Variants in AGBL4 observed in about 807,000 individuals in gnomAD.
AGBL4 encodes AGBL carboxypeptidase 4, also known as cytosolic carboxypeptidase 6.
A neutral mutation model predicts 66.4 loss-of-function variants in AGBL4; 58 were observed. The ratio of observed to expected loss-of-function variants is 0.87; its 90% CI spans 0.71 to 1.09. The LOEUF (loss-of-function observed/expected upper bound fraction) is 1.09, where lower values mean the gene tolerates loss of function less well. Among genes scored for constraint, AGBL4 ranks in the 50% least tolerant of loss-of-function variants. The probability of loss-of-function intolerance (pLI) is 0.00; values close to 1 mark genes in which losing one functional copy is unlikely to be tolerated. For missense variants in AGBL4, 579 were observed against 631.0 expected (o/e 0.92, Z 0.88); for synonymous variants, 234 against 222.9 (o/e 1.05, Z -0.44).
intron 3 of AGBL4, among the ~76,000 whole-genome samples, chr1:49,506,885 G>A (rs761030235): frequency 6.6e-6 from 1 of 151,984 alleles, no homozygotes; most frequent in African/African-American, 2.4e-5. Flanking sequence ...GAGGGCTATA[G>A]TGTGCCAATC....
At chr1:49,728,301 A>G (rs1187477785) in intron 2 of AGBL4, among the ~76,000 whole-genome samples, 2 of 152,212 alleles carry the variant, frequency 1.3e-5, no homozygotes, top group Admixed American at 6.5e-5. Context: ...CTGTCATACA[A>G]TTTAAAGATC....
At chr1:49,590,603 C>T (rs1014574163) in intron 3 of AGBL4, among the ~76,000 whole-genome samples, 3 of 151,776 alleles carry the variant, frequency 2.0e-5, no homozygotes, top group East Asian at 1.9e-4. Flanking sequence ...CGTAAGAGAG[C>T]GTATAATCAA....
chr1:49,557,837 C>T (rs991945306), intron 3 of AGBL4, among the ~76,000 whole-genome samples: 1 of 151,832 alleles, frequency 6.6e-6, no homozygotes, highest in Admixed American at 6.6e-5. Context: ...CCTCCCCTAA[C>T]CCAAGGCTGC....
chr1:48,739,257 G>A (rs6674449), intron 6 of AGBL4, among the ~76,000 whole-genome samples: 89,897 of 152,098 alleles, frequency 0.59, 29,807 homozygotes, highest in Non-Finnish European at 0.77. Context: ...CTATAATCAC[G>A]ACAGATTAAG....
intron 3 of AGBL4, among the ~76,000 whole-genome samples, chr1:49,494,521 G>C (rs1355671093): frequency 2.0e-5 from 3 of 151,738 alleles, no homozygotes; most frequent in Non-Finnish European, 4.4e-5. Context: ...GAGAATATGT[G>C]GTGTTTGGTT....
chr1:49,627,338 T>G (rs1168597283), intron 3 of AGBL4, among the ~76,000 whole-genome samples: 1 of 152,128 alleles, frequency 6.6e-6, no homozygotes, highest in African/African-American at 2.4e-5. Flanking sequence ...GCATCTACCA[T>G]GGAAGAGGCA....
intron 3 of AGBL4, among the ~76,000 whole-genome samples, chr1:49,563,453 G>C (rs1352236797): frequency 2.6e-5 from 4 of 152,200 alleles, no homozygotes; most frequent in Admixed American, 2.6e-4. Flanking sequence ...GTTTGTCACA[G>C]ATAGCTCTTA....
chr1:48,847,379 A>G (rs1424403135), intron 6 of AGBL4, among the ~76,000 whole-genome samples: 3 of 147,436 alleles, frequency 2.0e-5, no homozygotes, highest in Non-Finnish European at 3.0e-5. Flanking sequence ...CAAAGAAGGC[A>G]CTTTCATAAA....
chr1:49,998,474 C>G (rs1229372557), intron 1 of AGBL4, among the ~76,000 whole-genome samples: 1 of 151,934 alleles, frequency 6.6e-6, no homozygotes, highest in African/African-American at 2.4e-5. Context: ...AAGTCCAGGA[C>G]AAAACAGATT....
At chr1:49,881,516 G>T (rs1196914987) in intron 1 of AGBL4, among the ~76,000 whole-genome samples, 1 of 149,804 alleles carries the variant, frequency 6.7e-6, no homozygotes, top group Non-Finnish European at 1.5e-5. Flanking sequence ...GTGTAAAAGT[G>T]TTCCTATTTC....
chr1:49,992,371 C>CAA (rs34311728), intron 1 of AGBL4, among the ~76,000 whole-genome samples: 12 of 86,872 alleles, frequency 1.4e-4, no homozygotes, highest in African/African-American at 3.7e-4. Context: ...GACTCCGTCT[C>CAA]AAAAAAAAAA....
intron 1 of AGBL4, among the ~76,000 whole-genome samples, chr1:49,978,809 AT>A (rs1658801873): frequency 6.6e-6 from 1 of 152,216 alleles, no homozygotes; most frequent in Non-Finnish European, 1.5e-5. Context: ...AAGAAAATGT[AT>A]TTTGGGTGAT....
At chr1:49,709,377 C>T (rs1250311643) in intron 2 of AGBL4, among the ~76,000 whole-genome samples, 1 of 152,182 alleles carries the variant, frequency 6.6e-6, no homozygotes, top group Non-Finnish European at 1.5e-5. Context: ...ACCACCTACA[C>T]AAGCCTCAGC....
At position 50,023,837 on chromosome 1, in the gene AGBL4, G is replaced by C; in HGVS notation, c.-41C>G. On this transcript the variant is annotated 5_prime_UTR_variant, in exon 1 of 14. Coordinates refer to ENST00000371839, the MANE Select transcript of AGBL4 (RefSeq NM_032785.4). ...GTCTCCGAGCTCACGCGAAGACCGC[G>C]GGGCAGTAGGGAGCGGGTGGTGGGA... 6.5e-7 allele frequency: 1 copy of C among 1,541,522 alleles called. No homozygotes were observed. The highest frequency in any genetic ancestry group is 8.8e-7 in the Non-Finnish European group (1 of 1,142,654).
At chr1:49,595,876 C>T (rs1048519622) in intron 3 of AGBL4, among the ~76,000 whole-genome samples, 14 of 152,220 alleles carry the variant, frequency 9.2e-5, no homozygotes, top group East Asian at 7.7e-4. Flanking sequence ...CCAAATCAAA[C>T]GTTTTCCCAG....
chr1:49,752,325 G>A (rs529593213), intron 2 of AGBL4, among the ~76,000 whole-genome samples: 4 of 151,958 alleles, frequency 2.6e-5, no homozygotes, highest in Admixed American at 2.0e-4. Flanking sequence ...CCTTAATTTC[G>A]TTATTTACCC....
chr1:49,407,836 TAGTC>T (rs1262405257), intron 3 of AGBL4, among the ~76,000 whole-genome samples: 2 of 152,354 alleles, frequency 1.3e-5, no homozygotes, highest in African/African-American at 4.8e-5. Context: ...AGGAGGTTGA[TAGTC>T]AGAACACATC....
intron 5 of AGBL4, among the ~76,000 whole-genome samples, chr1:48,884,228 T>C (rs1270407773): frequency 1.3e-5 from 2 of 152,230 alleles, no homozygotes; most frequent in East Asian, 1.9e-4. Context: ...ACCTGAATTG[T>C]AGGCATTACC....
chr1:48,753,961 T>G (rs757893681), intron 6 of AGBL4, among the ~76,000 whole-genome samples: 1 of 152,232 alleles, frequency 6.6e-6, no homozygotes, highest in Non-Finnish European at 1.5e-5. Context: ...ATTTGCCTGG[T>G]GTCACACTGC....
Sources: allele counts gnomAD v4.1 joint callset (sites outside exome capture counted in the v4.1 genomes callset), GRCh38; gene constraint gnomAD v4.1.1; transcripts MANE v1.5; gene names NCBI Gene and HGNC (gene_info 2026-07-23, HGNC 2026-07-21).